NPEPL1: variants seen among roughly 807,000 people sequenced by gnomAD.
NPEPL1 encodes the protein probable aminopeptidase NPEPL1.
NPEPL1 carries 45 observed loss-of-function variants against 52.4 expected under a neutral mutation model. That is an observed-to-expected ratio of 0.86 (90% CI 0.68 to 1.10). NPEPL1 has a LOEUF of 1.10. Ranked by LOEUF, NPEPL1 falls within the 50% of genes least tolerant of loss-of-function variation. NPEPL1 has a pLI of 0.00. For synonymous variants in NPEPL1, 360 were observed against 314.7 expected, an observed-to-expected ratio of 1.14 and a Z score of -1.52; for missense variants, 696 against 710.9, an observed-to-expected ratio of 0.98 and a Z score of 0.24.
upstream of NPEPL1, chr20:58,691,940 C>G (rs2084357423): frequency 1.3e-6 from 1 of 752,604 alleles, no homozygotes; most frequent in Non-Finnish European, 2.3e-6. Context: ...CCTCCACCAT[C>G]CACTCAAGGC....
rs111851289 is a variant in NPEPL1, at chr20:58,694,593, G to A, written c.507+1G>A. ...GCCGGTGGAGGTGTCCACATTGCAG[G>A]TGGGTGTCTGGAAGGGCAGACACTG... On this transcript the variant is annotated splice_donor_variant, in intron 3 of 11. Transcript: ENST00000356091. LOFTEE classifies it high-confidence loss of function. The A allele has an allele frequency of 6.2e-7, 1 of 1,610,636 alleles. No individual in the cohort carries two copies. Among genetic ancestry groups the A allele is most frequent in the South Asian group, 1.1e-5 (1 of 90,602 alleles).
chr20:58,699,987 G>T (rs2084579749), intron 5 of NPEPL1, among the ~76,000 whole-genome samples: 1 of 152,230 alleles, frequency 6.6e-6, no homozygotes, highest in Non-Finnish European at 1.5e-5. Flanking sequence ...GTTGGCTGGG[G>T]CTGCAGTCAT....
In NPEPL1 at chr20:58,714,571, C is replaced by T; in HGVS notation, c.1314C>T (p.Asn438=). The T allele has an allele frequency of 6.3e-7, 1 of 1,584,160 alleles. No individual in the cohort carries two copies. Residue 438 remains asparagine, a synonymous_variant, in exon 11 of 12, where the codon AAC becomes AAT. Transcript: ENST00000356091. The part of the protein sequence containing the change: ...DMKNSVADRD[N]SPSSCAGLFI... The stretch of plus-strand genomic sequence containing the variant: ...CCTGGCCTCCCTAGGACCGAGACAA[C>T]AGCCCCAGCTCCTGTGCTGGCCTCT...
At chr20:58,694,805 T>C (rs976054195) in intron 3 of NPEPL1, among the ~76,000 whole-genome samples, 6 of 152,210 alleles carry the variant, frequency 3.9e-5, no homozygotes, top group Admixed American at 3.9e-4. Flanking sequence ...GATTCTGTTG[T>C]ATACAGGCAG....
intron 6 of NPEPL1, among the ~76,000 whole-genome samples, chr20:58,701,372 T>TG (rs1168241468): frequency 0.11 from 1,172 of 10,804 alleles, 38 homozygotes; most frequent in African/African-American, 0.22. Context: ...CAGGGTGCCC[T>TG]GGGGGGGGGG....
chr20:58,712,450 C>G, intron 7 of NPEPL1, 29 bp from the exon 8 acceptor site: 1 of 1,517,784 alleles, frequency 6.6e-7, no homozygotes, highest in Non-Finnish European at 9.1e-7. Context: ...TGACCTACAA[C>G]TGGAGCCTCT....
At position 58,692,874 on chromosome 20, in the gene NPEPL1, A is replaced by C. The variant is rs748891279; in HGVS notation, c.-27A>C. 1.1e-5 allele frequency: 11 copies of C among 1,010,854 alleles called. No individual in the cohort carries two copies. Among genetic ancestry groups the C allele is most frequent in the East Asian group, 8.1e-5 (1 of 12,274 alleles). The allele number at this position is 1,010,854 out of a possible 1,614,324, so 62.6% of individuals were successfully genotyped here. On this transcript the variant is annotated 5_prime_UTR_variant, in exon 1 of 12. Transcript: ENST00000356091. The surrounding 1 kb of genome is among the most constrained non-coding windows in gnomAD (Gnocchi z 5.7). ...AGCGGCGGGCCGGGCCGGGCCGGGC[A>C]GGGCCGGGGCGTGGGCCGGCAGGAA...
chr20:58,701,037 C>T lies in NPEPL1; in HGVS notation c.701C>T (p.Ala234Val). ...ATAGGAATCTATGGGGTTGGCAAAG[C>T]CGCCCTGCATCCCCCAGCCCTGGCC... ...GFGGIYGVGK[A>V]ALHPPALAVL... Residue 234 changes from alanine to valine, a missense_variant, in exon 6 of 12, where the codon GCC becomes GTC. Transcript: ENST00000356091. 2 of 1,592,602 alleles carry T rather than the reference C, an allele frequency of 1.3e-6. No individual in the cohort carries two copies. Among genetic ancestry groups the T allele is most frequent in the Non-Finnish European group, 1.7e-6 (2 of 1,170,452 alleles).
Position 58,713,322 on chromosome 20 carries a change from A to G in NPEPL1, c.1002-98A>G. The stretch of plus-strand genomic sequence containing the variant: ...TGTTGGGGTTCGGGGAGCCACAGGG[A>G]TGGGCAGCTCCAAATGGGGTCTCCC... On this transcript the variant is annotated intron_variant, in intron 8 of 11. Coordinates refer to ENST00000356091, the MANE Select transcript of NPEPL1 (RefSeq NM_024663.4). The surrounding 1 kb of genome is among the most constrained non-coding windows in gnomAD (Gnocchi z 4.6). 3 of 1,436,584 alleles carry G rather than the reference A, an allele frequency of 2.1e-6. No individual in the cohort carries two copies. In the South Asian group the frequency reaches 4.2e-5, roughly 20 times the overall value. The allele number at this position is 1,436,584 out of a possible 1,614,324, so 89.0% of individuals were successfully genotyped here.
intron 7 of NPEPL1, among the ~76,000 whole-genome samples, chr20:58,708,610 C>T: frequency 6.6e-6 from 1 of 152,140 alleles, no homozygotes; most frequent in Non-Finnish European, 1.5e-5. Context: ...TGCGCTACTC[C>T]TTCACTGGTT....
upstream of NPEPL1, chr20:58,692,171 C>T: frequency 2.7e-6 from 1 of 369,200 alleles, no homozygotes; most frequent in Non-Finnish European, 5.0e-6. The surrounding 1 kb of genome is among the most constrained non-coding windows in gnomAD (Gnocchi z 5.7). Context: ...AACTGGCCAT[C>T]CCAGCAGCAG....
rs1570894 is a variant in NPEPL1 at position 58,713,688 on chromosome 20, G to A, written c.1125+145G>A. The A allele has an allele frequency of 0.35, 440,165 of 1,246,092 alleles. 81,180 individuals carry two copies. Among genetic ancestry groups the A allele is most frequent in the East Asian group, 0.42 (16,102 of 38,398 alleles). 77.2% of individuals were successfully genotyped at this position (1,246,092 alleles called of 1,614,324 possible). A position where few individuals can be genotyped will look rare whatever the true frequency, so the allele number is the denominator to read the frequency against. On this transcript the variant is annotated intron_variant, in intron 9 of 11. Transcript: ENST00000356091. The surrounding 1 kb of genome is among the most constrained non-coding windows in gnomAD (Gnocchi z 4.6). ...CACGAGGAGGCAGGAGGAGCTGCCC[G>A]TCAAGCTTGGTGTGGGCAGTACCGA...
intron 3 of NPEPL1, among the ~76,000 whole-genome samples, chr20:58,695,043 T>A (rs1314871720): frequency 1.3e-5 from 2 of 149,164 alleles, no homozygotes; most frequent in Non-Finnish European, 1.5e-5. Context: ...TGTGTTGCTG[T>A]GTATGTTTGC....
chr20:58,712,155 C>T (rs2084861591), intron 7 of NPEPL1, among the ~76,000 whole-genome samples: 1 of 152,106 alleles, frequency 6.6e-6, no homozygotes, highest in South Asian at 2.1e-4. Flanking sequence ...TGCTGGCCAC[C>T]TTCTGTCGGC....
intron 3 of NPEPL1, among the ~76,000 whole-genome samples, chr20:58,695,067 A>G (rs2084443054): frequency 8.4e-6 from 1 of 119,058 alleles, no homozygotes; most frequent in South Asian, 2.7e-4. Flanking sequence ...TGTGTGCATG[A>G]GTGGTGTGTG....
intron 11 of NPEPL1, 99 bp downstream of exon 11, chr20:58,714,769 C>CT: frequency 1.0e-6 from 1 of 965,766 alleles, no homozygotes; most frequent in South Asian, 1.6e-5. Context: ...TCATCAGAAA[C>CT]TTCTGTCTGT....
intron 6 of NPEPL1, chr20:58,703,596 A>AGAT (rs2084678803): frequency 1.0e-6 from 1 of 985,256 alleles, no homozygotes; most frequent in Non-Finnish European, 1.2e-6. Flanking sequence ...CAATGTGAGA[A>AGAT]GATGAGCTTC....
chr20:58,691,693 C>CTTTTTTTTTTTTTTTTTTTTTAT, upstream of NPEPL1: 1 of 561,312 alleles, frequency 1.8e-6, no homozygotes, highest in South Asian at 2.2e-5. Context: ...TTTTTCTTTT[C>CTTTTTTTTTTTTTTTTTTTTTAT]TTTTTTTTTT....
At position 58,694,639 on chromosome 20, in the gene NPEPL1, C is replaced by T. The variant is rs369031753; in HGVS notation, c.507+47C>T. 1,128 of 1,545,500 alleles carry T rather than the reference C, an allele frequency of 7.3e-4. 1 individual carries two copies. The highest frequency in any genetic ancestry group is 8.0e-4 in the Non-Finnish European group (915 of 1,144,128). ...CACTGCCCCTGGGCCCGGGCAAGAT[C>T]GGGCAGGTGGGAGGGAGGTCGGGAG... On this transcript the variant is annotated intron_variant, in intron 3 of 11. Coordinates refer to ENST00000356091, the MANE Select transcript of NPEPL1 (RefSeq NM_024663.4).
Sources: allele counts gnomAD v4.1 joint callset (sites outside exome capture counted in the v4.1 genomes callset), GRCh38; gene constraint gnomAD v4.1.1; non-coding constraint Gnocchi (gnomAD v3.1); transcripts MANE v1.5; gene names NCBI Gene and HGNC (gene_info 2026-07-23, HGNC 2026-07-21).